GALNT13: variants seen among roughly 807,000 people sequenced by gnomAD.
GALNT13 encodes UDP-GalNAc:polypeptide N-acetylgalactosaminyltransferase 13.
A neutral mutation model predicts 64.2 loss-of-function variants in GALNT13; 28 were observed. That is an observed-to-expected ratio of 0.44 (90% confidence interval 0.32 to 0.60). The LOEUF is 0.60. GALNT13 is among the 20% of genes least tolerant of loss of function. The pLI is 0.05. For synonymous variants in GALNT13, 214 were observed against 224.6 expected (o/e 0.95, Z 0.42); for missense variants, 577 against 669.8 (o/e 0.86, Z 1.53).
the GALNT13 span, among the ~76,000 whole-genome samples, chr2:153,741,986 C>T: frequency 6.6e-6 from 1 of 152,050 alleles, no homozygotes; most frequent in East Asian, 1.9e-4. Flanking sequence ...GTAATTAGAA[C>T]ATTTGAAATT....
At chr2:154,049,983 T>C (rs897335487) in intron 3 of GALNT13, among the ~76,000 whole-genome samples, 1 of 152,138 alleles carries the variant, frequency 6.6e-6, no homozygotes, top group Non-Finnish European at 1.5e-5. Flanking sequence ...CTCAATTGTA[T>C]TAAATGTTTA....
chr2:154,313,362 T>TAC (rs1694152942), intron 9 of GALNT13, among the ~76,000 whole-genome samples: 1 of 148,074 alleles, frequency 6.8e-6, no homozygotes, highest in Non-Finnish European at 1.5e-5. Flanking sequence ...TACATATATA[T>TAC]ACACTAGATA....
chr2:153,680,562 A>G, the GALNT13 span, among the ~76,000 whole-genome samples: 2 of 151,898 alleles, frequency 1.3e-5, no homozygotes, highest in African/African-American at 4.8e-5. Context: ...ACATATATAT[A>G]TCTTTAAGAA....
chr2:153,082,610 TATATATATACAC>T, the GALNT13 span, among the ~76,000 whole-genome samples: 235 of 43,310 alleles, frequency 5.4e-3, no homozygotes, highest in Non-Finnish European at 6.6e-3. Context: ...TATATATATA[TATATATATACAC>T]ACACACACAC....
At chr2:153,854,249 A>C in the GALNT13 span, among the ~76,000 whole-genome samples, 1 of 151,734 alleles carries the variant, frequency 6.6e-6, no homozygotes, top group Non-Finnish European at 1.5e-5. Context: ...AATCCGAAAT[A>C]ATTAAGATAT....
the GALNT13 span, among the ~76,000 whole-genome samples, chr2:153,595,748 A>G: frequency 7.9e-5 from 12 of 152,252 alleles, no homozygotes; most frequent in African/African-American, 2.6e-4. Context: ...AACAGATGAA[A>G]ATTGTCCTAC....
the GALNT13 span, among the ~76,000 whole-genome samples, chr2:153,550,710 T>C: frequency 6.6e-6 from 1 of 152,210 alleles, no homozygotes; most frequent in Non-Finnish European, 1.5e-5. Flanking sequence ...ACTTGCCTGT[T>C]TGGTAATGCT....
chr2:154,355,744 A>G (rs182327428), intron 9 of GALNT13, among the ~76,000 whole-genome samples: 1 of 152,064 alleles, frequency 6.6e-6, no homozygotes, highest in Admixed American at 6.6e-5. Flanking sequence ...TACTTTCCCA[A>G]TACCCATTTA....
At chr2:153,124,646 C>G in the GALNT13 span, among the ~76,000 whole-genome samples, 6 of 152,144 alleles carry the variant, frequency 3.9e-5, no homozygotes, top group African/African-American at 1.4e-4. Flanking sequence ...GCTGGGACTA[C>G]AGGTGCCTGC....
At chr2:153,380,039 G>A in the GALNT13 span, among the ~76,000 whole-genome samples, 49,161 of 151,900 alleles carry the variant, frequency 0.32, 8,316 homozygotes, top group Non-Finnish European at 0.38. Flanking sequence ...GAGAACAGTG[G>A]TAAGTGGAGG....
At chr2:154,426,265 G>T (rs10191701) in intron 11 of GALNT13, among the ~76,000 whole-genome samples, 20,013 of 152,190 alleles carry the variant, frequency 0.13, 1,476 homozygotes, top group African/African-American at 0.18. Flanking sequence ...GCTGCCCTCC[G>T]TTATGTGCCA....
At chr2:153,110,339 A>G in the GALNT13 span, among the ~76,000 whole-genome samples, 1 of 152,106 alleles carries the variant, frequency 6.6e-6, no homozygotes, top group Non-Finnish European at 1.5e-5. Flanking sequence ...TTTCATGAGG[A>G]TGGACAAAAA....
At chr2:153,844,852 C>T in the GALNT13 span, among the ~76,000 whole-genome samples, 1 of 152,186 alleles carries the variant, frequency 6.6e-6, no homozygotes, top group Admixed American at 6.5e-5. Context: ...CAACTGTAAA[C>T]TTTCAAATAT....
the GALNT13 span, among the ~76,000 whole-genome samples, chr2:153,722,873 G>A: frequency 6.6e-6 from 1 of 150,622 alleles, no homozygotes; most frequent in Non-Finnish European, 1.5e-5. Context: ...TCTACCAGAG[G>A]TACAAGGAGG....
At chr2:153,781,344 G>T in the GALNT13 span, among the ~76,000 whole-genome samples, 500 of 152,250 alleles carry the variant, frequency 3.3e-3, 5 homozygotes, top group African/African-American at 0.011. Context: ...TATTGCCTCA[G>T]TTTGCTCATC....
chr2:153,075,084 T>C, the GALNT13 span, among the ~76,000 whole-genome samples: 1 of 152,170 alleles, frequency 6.6e-6, no homozygotes, highest in Non-Finnish European at 1.5e-5. Context: ...ATCAAGTAGG[T>C]TTCTGAACCG....
the GALNT13 span, among the ~76,000 whole-genome samples, chr2:153,356,870 T>C: frequency 3.6e-5 from 5 of 140,376 alleles, no homozygotes; most frequent in Non-Finnish European, 7.6e-5. Context: ...TGATCTCGGC[T>C]CACTGCACGC....
At chr2:154,369,952 C>G (rs1382659376) in intron 9 of GALNT13, among the ~76,000 whole-genome samples, 2 of 152,128 alleles carry the variant, frequency 1.3e-5, no homozygotes, top group Admixed American at 6.6e-5. Context: ...GCTTTCATCT[C>G]ATAATTCTCA....
the GALNT13 span, among the ~76,000 whole-genome samples, chr2:153,190,195 G>T: frequency 6.6e-6 from 1 of 151,846 alleles, no homozygotes; most frequent in Non-Finnish European, 1.5e-5. Flanking sequence ...AGTGTTTCCC[G>T]TGTGTTTTCT....
Sources: allele counts gnomAD v4.1 joint callset (sites outside exome capture counted in the v4.1 genomes callset), GRCh38; gene constraint gnomAD v4.1.1; transcripts MANE v1.5; gene names NCBI Gene and HGNC (gene_info 2026-07-23, HGNC 2026-07-21).